Variants in KLF12 observed in about 807,000 individuals in gnomAD.
The protein encoded by KLF12 is KLF transcription factor 12, also known as Krueppel-like factor 12.
KLF12 carries 9 observed loss-of-function variants against 37.8 expected under a neutral mutation model. The observed-to-expected ratio is 0.24, with a 90% CI of 0.14 to 0.42. The LOEUF is 0.42. Ranked by LOEUF, KLF12 falls within the 10% of genes least tolerant of loss-of-function variation. The pLI is 1.00. For synonymous variants in KLF12, 208 were observed against 202.1 expected (o/e 1.03, Z -0.25); for missense variants, 411 against 516.0 (o/e 0.80, Z 1.97).
At chr13:74,026,102 G>A (rs1892969983) in intron 1 of KLF12, among the ~76,000 whole-genome samples, 1 of 150,790 alleles carries the variant, frequency 6.6e-6, no homozygotes, top group Non-Finnish European at 1.5e-5. Flanking sequence ...TATAAAGATC[G>A]ATTGCACATG....
At chr13:74,037,210 A>C (rs1893271780) in intron 1 of KLF12, among the ~76,000 whole-genome samples, 1 of 152,052 alleles carries the variant, frequency 6.6e-6, no homozygotes, top group African/African-American at 2.4e-5. Flanking sequence ...CTCCAAAAAA[A>C]AAAAAAAAAA....
In KLF12 at chr13:74,066,129, G is replaced by A. The variant is rs996352960; in HGVS notation, c.-32+67610C>T. On this transcript the variant is annotated intron_variant, in intron 1 of 7. Coordinates refer to ENST00000377669, the MANE Select transcript of KLF12 (RefSeq NM_007249.5). ...CATCCACAGGTCAGTAAGGCCCGTGGACCTGCAGGCAACACTGAGAAGACA... is the reference window on the plus strand; with the variant it reads ...CATCCACAGGTCAGTAAGGCCCGTGAACCTGCAGGCAACACTGAGAAGACA... Among the ~76,000 whole-genome samples, 10 of 152,176 alleles carry A rather than the reference G, an allele frequency of 6.6e-5. No homozygotes were observed. In the East Asian group the frequency reaches 1.9e-3, roughly 29 times the overall value.
intron 1 of KLF12, among the ~76,000 whole-genome samples, chr13:74,078,528 TTTGTAAGGATTAC>T (rs1239615895): frequency 6.6e-6 from 1 of 152,334 alleles, no homozygotes; most frequent in East Asian, 1.9e-4. Context: ...ATTTGACTGT[TTTGTAAGGATTAC>T]TTGTTATATT....
At chr13:74,036,055 G>GCTC (rs1893237375) in intron 1 of KLF12, among the ~76,000 whole-genome samples, 1 of 152,044 alleles carries the variant, frequency 6.6e-6, no homozygotes, top group Admixed American at 6.5e-5. Flanking sequence ...CACATCCCCA[G>GCTC]CTCCTGCCTC....
At chr13:74,295,013 A>G in the KLF12 span, among the ~76,000 whole-genome samples, 5 of 152,178 alleles carry the variant, frequency 3.3e-5, no homozygotes, top group Admixed American at 3.3e-4. Context: ...GTCCCCTGAC[A>G]AAATTGGGCT....
At chr13:74,126,153 C>T (rs564108830) in intron 1 of KLF12, among the ~76,000 whole-genome samples, 15 of 152,018 alleles carry the variant, frequency 9.9e-5, no homozygotes, top group East Asian at 3.9e-4. Context: ...ATAAGTTGTA[C>T]GATTCAAATA....
At chr13:74,031,999 T>C (rs912644366) in intron 1 of KLF12, among the ~76,000 whole-genome samples, 10 of 152,160 alleles carry the variant, frequency 6.6e-5, no homozygotes, top group Non-Finnish European at 5.9e-5. Flanking sequence ...GAAGCTAGGC[T>C]ACACCATGTC....
intron 5 of KLF12, among the ~76,000 whole-genome samples, chr13:73,780,114 G>A (rs1880865959): frequency 6.6e-6 from 1 of 152,250 alleles, no homozygotes; most frequent in South Asian, 2.1e-4. Flanking sequence ...AGATGTGACC[G>A]AATGGCTACA....
the KLF12 span, among the ~76,000 whole-genome samples, chr13:74,221,065 T>C: frequency 3.3e-5 from 5 of 150,740 alleles, no homozygotes; most frequent in Admixed American, 6.6e-5. Context: ...AGTGCAGTGG[T>C]GCTATCTCGG....
chr13:73,914,166 C>A (rs890780415), intron 3 of KLF12, among the ~76,000 whole-genome samples: 2 of 152,190 alleles, frequency 1.3e-5, no homozygotes, highest in Non-Finnish European at 1.5e-5. Flanking sequence ...TATTTTCTGA[C>A]TTATTTCTGA....
At chr13:73,809,227 T>C (rs896938635) in intron 5 of KLF12, among the ~76,000 whole-genome samples, 9 of 152,192 alleles carry the variant, frequency 5.9e-5, no homozygotes, top group African/African-American at 1.9e-4. Flanking sequence ...ATGTTTTCAT[T>C]TTTTTACATG....
intron 2 of KLF12, among the ~76,000 whole-genome samples, chr13:73,974,198 A>G (rs535957934): frequency 8.9e-4 from 135 of 152,254 alleles, no homozygotes; most frequent in Non-Finnish European, 1.5e-3. Flanking sequence ...TAAAAATAGT[A>G]TAAACTTTCC....
In KLF12 at chr13:73,983,489, C is replaced by A. The variant is rs1891742462; in HGVS notation, c.33+11501G>T. 2.0e-5 allele frequency among the ~76,000 whole-genome samples: 3 copies of A among 152,214 alleles called. No individual in the cohort carries two copies. In the South Asian group the frequency reaches 6.2e-4, roughly 31 times the overall value. On this transcript the variant is annotated intron_variant, in intron 2 of 7. Transcript: ENST00000377669. ...AGCACCGTGTCCTCCCAGTTACTGC[C>A]TGCCAATCTTGCCTCTAACTTACTC... is the stretch of plus-strand genomic sequence containing the variant.
At chr13:73,963,288 C>T (rs199502497) in intron 2 of KLF12, among the ~76,000 whole-genome samples, 2 of 8,064 alleles carry the variant, frequency 2.5e-4, no homozygotes, top group African/African-American at 1.9e-4. Flanking sequence ...CATTTATACA[C>T]ACACACACAC....
At chr13:74,120,189 T>C (rs530599492) in intron 1 of KLF12, among the ~76,000 whole-genome samples, 3 of 152,106 alleles carry the variant, frequency 2.0e-5, no homozygotes, top group African/African-American at 7.2e-5. Flanking sequence ...CTGCAAGAAA[T>C]TATTTAAGTA....
intron 1 of KLF12, among the ~76,000 whole-genome samples, chr13:74,102,619 C>T (rs1331061855): frequency 6.6e-6 from 1 of 152,036 alleles, no homozygotes; most frequent in East Asian, 1.9e-4. Flanking sequence ...ATCGCTTGCA[C>T]CTGGGAGGTG....
chr13:74,260,264 G>C, the KLF12 span, among the ~76,000 whole-genome samples: 5 of 152,178 alleles, frequency 3.3e-5, no homozygotes, highest in South Asian at 1.0e-3. Flanking sequence ...AATTCAAATA[G>C]AGTAAATCGG....
chr13:73,813,245 C>T lies in KLF12; in HGVS notation c.713G>A (p.Ser238Asn), dbSNP rs1883037774. The T allele has an allele frequency of 1.2e-6, 2 of 1,613,906 alleles. No individual in the cohort carries two copies. The highest frequency in any genetic ancestry group is 1.1e-5 in the South Asian group (1 of 91,080). ...TGGCAGGTCATCATCATCACTGTCA[C>T]TTTTACTTTGTCTGGGAGATAGGCC... Residue 238 changes from serine to asparagine, a missense_variant, in exon 5 of 8, where the codon AGT (serine) becomes AAT (asparagine). Coordinates refer to ENST00000377669, the MANE Select transcript of KLF12 (RefSeq NM_007249.5).
At chr13:74,062,420 G>T (rs1873650690) in intron 1 of KLF12, among the ~76,000 whole-genome samples, 1 of 152,170 alleles carries the variant, frequency 6.6e-6, no homozygotes, top group Admixed American at 6.5e-5. Flanking sequence ...TCCTGTAGAT[G>T]ATTTTATGAT....
Sources: gnomAD v4.1 joint callset for allele counts (sites outside exome capture counted in the v4.1 genomes callset) on GRCh38, gnomAD v4.1.1 for gene constraint, MANE v1.5 for transcripts, NCBI Gene and HGNC (gene_info 2026-07-23, HGNC 2026-07-21) for gene names.